The following CUBN variants were observed in gnomAD, a reference collection of about 807,000 sequenced individuals.
CUBN encodes the protein 460 kDa receptor.
Under a neutral mutation model 405.3 loss-of-function variants are expected in CUBN, and 282 were observed. The ratio of observed to expected loss-of-function variants is 0.70; its 90% CI spans 0.63 to 0.77. The LOEUF is 0.77. Ranked by LOEUF, CUBN falls within the 30% of genes least tolerant of loss-of-function variation. The pLI is 0.00. For missense variants in CUBN, 4,514 were observed against 4,475.2 expected, an observed-to-expected ratio of 1.01 and a Z score of -0.25; for synonymous variants, 1,684 against 1,617.0, an observed-to-expected ratio of 1.04 and a Z score of -0.99.
chr10:16,828,100 T>C (rs973548309), intron 66 of CUBN, among the ~76,000 whole-genome samples: 1 of 152,164 alleles, frequency 6.6e-6, no homozygotes, highest in Non-Finnish European at 1.5e-5. Context: ...TTTTCTACAG[T>C]TCTATTTATG....
At chr10:16,975,424 T>C (rs1483173753) in intron 31 of CUBN, among the ~76,000 whole-genome samples, 1 of 152,224 alleles carries the variant, frequency 6.6e-6, no homozygotes, top group Non-Finnish European at 1.5e-5. Context: ...GGGAAAATCC[T>C]AGCCATGCTG....
chr10:16,841,766 G>A (rs188370348), intron 60 of CUBN, among the ~76,000 whole-genome samples: 17 of 151,702 alleles, frequency 1.1e-4, no homozygotes, highest in Admixed American at 2.0e-4. Flanking sequence ...TCCCCAACTC[G>A]GCCGGGCGTG....
chr10:16,918,863 CCTTA>C (rs1841961531), intron 44 of CUBN, 63 bp from the exon 45 acceptor site: 6 of 1,403,258 alleles, frequency 4.3e-6, no homozygotes, highest in African/African-American at 1.4e-5. Flanking sequence ...ATAATGACAA[CCTTA>C]CTTACTTTCT....
intron 51 of CUBN, 34 bp downstream of exon 51, chr10:16,903,932 G>T: frequency 7.0e-7 from 1 of 1,427,018 alleles, no homozygotes. Context: ...ATCTTTATAA[G>T]TAATTTTATC....
At chr10:16,849,879 C>T (rs1839632999) in intron 60 of CUBN, among the ~76,000 whole-genome samples, 1 of 152,126 alleles carries the variant, frequency 6.6e-6, no homozygotes, top group South Asian at 2.1e-4. Flanking sequence ...AACCTTCAAC[C>T]ACTCCTTATT....
intron 24 of CUBN, 116 bp from the exon 25 acceptor site, chr10:17,045,304 A>G: frequency 1.0e-6 from 1 of 982,956 alleles, no homozygotes; most frequent in East Asian, 2.6e-5. Flanking sequence ...TTGCACAGCA[A>G]AATGGCATCA....
chr10:16,853,698 A>C (rs1341695953), intron 59 of CUBN, among the ~76,000 whole-genome samples: 2 of 152,200 alleles, frequency 1.3e-5, no homozygotes, highest in Non-Finnish European at 2.9e-5. Context: ...AACGTAAGCA[A>C]TACGCAGTGC....
In CUBN at chr10:17,046,032, G is replaced by A. The variant is rs148199286; in HGVS notation, c.3392C>T (p.Thr1131Ile). 6.2e-7 allele frequency: 1 copy of A among 1,613,658 alleles called. No individual in the cohort carries two copies. Among genetic ancestry groups the A allele is most frequent in the Non-Finnish European group, 8.5e-7 (1 of 1,179,636 alleles). Reference sequence around the variant, plus strand: ...TAGTTTGTTACTATGAGAGATGATTGTTGGGGGTAGATTTGAGCCATAGAA... The same window carrying A: ...TAGTTTGTTACTATGAGAGATGATTATTGGGGGTAGATTTGAGCCATAGAA... ...GIFYGSNLPPTIISHSNKLWL... is the reference protein window; with the variant it reads ...GIFYGSNLPPIIISHSNKLWL... The change falls in exon 24 of 67, where the codon ACA (threonine) becomes ATA (isoleucine). Residue 1131 changes from threonine (T) to isoleucine (I), a missense_variant. Thr to Ile is a moderately conservative substitution (Grantham distance 89). Transcript: ENST00000377833.
intron 58 of CUBN, among the ~76,000 whole-genome samples, chr10:16,872,790 C>A (rs767959173): frequency 5.3e-5 from 8 of 152,238 alleles, no homozygotes; most frequent in Non-Finnish European, 8.8e-5. Context: ...CCCCCTTACA[C>A]TTTCACGCCT....
chr10:16,830,932 C>T (rs576381891), intron 65 of CUBN, among the ~76,000 whole-genome samples: 164 of 152,042 alleles, frequency 1.1e-3, no homozygotes, highest in African/African-American at 3.7e-3. Context: ...ACTAAAAATA[C>T]AAAAATCGGC....
chr10:16,840,053 C>G (rs1839294585), intron 62 of CUBN, among the ~76,000 whole-genome samples: 1 of 131,510 alleles, frequency 7.6e-6, no homozygotes, highest in South Asian at 2.4e-4. Flanking sequence ...ACATCACACA[C>G]CGGGGCCTGT....
chr10:16,841,619 A>G (rs1005829256), intron 60 of CUBN, among the ~76,000 whole-genome samples: 1 of 152,050 alleles, frequency 6.6e-6, no homozygotes, highest in African/African-American at 2.4e-5. Flanking sequence ...ACTTTGTTCG[A>G]TTCCGCTTCT....
chr10:16,854,151 A>G (rs966473059), intron 59 of CUBN, among the ~76,000 whole-genome samples: 1 of 152,218 alleles, frequency 6.6e-6, no homozygotes, highest in Non-Finnish European at 1.5e-5. Context: ...GCATAAATAG[A>G]ATAAAACCAT....
At chr10:16,842,596 C>T (rs997687487) in intron 60 of CUBN, among the ~76,000 whole-genome samples, 6 of 152,198 alleles carry the variant, frequency 3.9e-5, no homozygotes, top group South Asian at 4.1e-4. Context: ...TGATCTCCAT[C>T]GTCCTTCACC....
At chr10:17,010,888 A>T (rs555185645) in intron 28 of CUBN, among the ~76,000 whole-genome samples, 1 of 152,332 alleles carries the variant, frequency 6.6e-6, no homozygotes, top group Admixed American at 6.5e-5. Flanking sequence ...AGTGTATAAT[A>T]GGGCTATTCA....
chr10:17,088,751 T>C (rs760793979), intron 14 of CUBN, among the ~76,000 whole-genome samples: 2 of 152,254 alleles, frequency 1.3e-5, no homozygotes, highest in Non-Finnish European at 2.9e-5. Context: ...TCACTTTGCA[T>C]ATTAAAATGG....
intron 47 of CUBN, among the ~76,000 whole-genome samples, chr10:16,914,423 G>T (rs141131251): frequency 6.6e-6 from 1 of 152,074 alleles, no homozygotes; most frequent in Non-Finnish European, 1.5e-5. Context: ...GCCGGGCGTC[G>T]TGGCGTGCGC....
chr10:16,873,581 G>C (rs1229422510), intron 58 of CUBN, among the ~76,000 whole-genome samples: 1 of 151,936 alleles, frequency 6.6e-6, no homozygotes, highest in Non-Finnish European at 1.5e-5. Context: ...ACTGAGCAGG[G>C]CATGGTGGCG....
At chr10:17,033,615 C>T (rs954436556) in intron 27 of CUBN, among the ~76,000 whole-genome samples, 7 of 152,176 alleles carry the variant, frequency 4.6e-5, no homozygotes, top group African/African-American at 1.7e-4. Context: ...TTTGGCATAT[C>T]GCAGATTTAT....
Sources: allele counts gnomAD v4.1 joint callset (sites outside exome capture counted in the v4.1 genomes callset), GRCh38; gene constraint gnomAD v4.1.1; transcripts MANE v1.5; gene names NCBI Gene and HGNC (gene_info 2026-07-23, HGNC 2026-07-21).